SDK1: variants seen among roughly 807,000 people sequenced by gnomAD.
SDK1 encodes sidekick cell adhesion molecule 1, also known as protein sidekick-1.
In SDK1, 157 loss-of-function variants were observed where a neutral mutation model predicts 245.5. That is an observed-to-expected ratio of 0.64 (90% CI 0.56 to 0.73). The LOEUF (loss-of-function observed/expected upper bound fraction) is 0.73. Among genes scored for constraint, SDK1 ranks in the 30% least tolerant of loss-of-function variants. SDK1 has a pLI of 0.00. For synonymous variants in SDK1, 1,647 were observed against 1,278.5 expected (o/e 1.29, Z -6.15); for missense variants, 3,583 against 3,002.3 (o/e 1.19, Z -4.52).
intron 10 of SDK1, among the ~76,000 whole-genome samples, chr7:3,967,996 G>A (rs1183674255): frequency 6.6e-6 from 1 of 152,238 alleles, no homozygotes; most frequent in Non-Finnish European, 1.5e-5. Flanking sequence ...GAAGGATTGT[G>A]CAAATGTCAC....
rs116229067 is a variant in SDK1 at position 3,543,302 on chromosome 7, T to C, written c.299-75778T>C. On this transcript the variant is annotated intron_variant, in intron 1 of 44. Coordinates refer to ENST00000404826, the MANE Select transcript of SDK1 (RefSeq NM_152744.4). ...TCCCATTCTTCTTGGCTTCCTGTTA[T>C]ACTCCTTGCTTAATTTCTGTTTCAT... Among the ~76,000 whole-genome samples, 400 of 152,398 alleles carry C rather than the reference T, an allele frequency of 2.6e-3. 2 individuals are homozygous for C. The highest frequency in any genetic ancestry group is 9.0e-3 in the African/African-American group (373 of 41,602).
chr7:3,923,272 T>C (rs1779656293), intron 5 of SDK1, among the ~76,000 whole-genome samples: 1 of 151,966 alleles, frequency 6.6e-6, no homozygotes, highest in Non-Finnish European at 1.5e-5. Context: ...CCCATTATTA[T>C]GGACTTTTTT....
intron 1 of SDK1, among the ~76,000 whole-genome samples, chr7:3,363,352 G>A (rs962415227): frequency 6.6e-6 from 1 of 151,748 alleles, no homozygotes; most frequent in African/African-American, 2.4e-5. Context: ...ACCACAGATT[G>A]TTTAACCATT....
At chr7:4,049,558 C>T (rs748808420) in intron 18 of SDK1, 95 bp downstream of exon 18, 46 of 911,416 alleles carry the variant, frequency 5.0e-5, no homozygotes, top group Non-Finnish European at 8.1e-5. Context: ...GTATCAAGAG[C>T]TGGTTGCATT....
At chr7:3,422,958 G>C (rs1779573167) in intron 1 of SDK1, among the ~76,000 whole-genome samples, 1 of 152,134 alleles carries the variant, frequency 6.6e-6, no homozygotes, top group African/African-American at 2.4e-5. Context: ...TAATGAGCTG[G>C]CTAATTTATA....
intron 4 of SDK1, among the ~76,000 whole-genome samples, chr7:3,668,846 A>G (rs1583289672): frequency 6.6e-6 from 1 of 152,210 alleles, no homozygotes; most frequent in Admixed American, 6.5e-5. Context: ...TGGGAGTCAC[A>G]AAGTGTCCAT....
intron 44 of SDK1, among the ~76,000 whole-genome samples, chr7:4,260,231 G>T (rs1259159737): frequency 2.1e-5 from 3 of 146,264 alleles, no homozygotes; most frequent in African/African-American, 2.6e-5. Flanking sequence ...TGTGTGGGAA[G>T]ATGTGTTCAT....
At chr7:3,680,186 C>G (rs940966834) in intron 4 of SDK1, among the ~76,000 whole-genome samples, 4 of 152,142 alleles carry the variant, frequency 2.6e-5, no homozygotes, top group African/African-American at 7.2e-5. Context: ...AACCCAATCT[C>G]CAATCTCAAA....
At chr7:4,040,751 C>T (rs75078169) in intron 17 of SDK1, among the ~76,000 whole-genome samples, 252 of 152,294 alleles carry the variant, frequency 1.7e-3, no homozygotes, top group Non-Finnish European at 2.6e-3. Context: ...ACACCCTAAT[C>T]TTTTATTATG....
At chr7:3,778,906 C>T (rs1780642379) in intron 4 of SDK1, among the ~76,000 whole-genome samples, 1 of 152,170 alleles carries the variant, frequency 6.6e-6, no homozygotes, top group Admixed American at 6.5e-5. Flanking sequence ...TATAAAGTAC[C>T]TAAATGGTTT....
chr7:3,413,192 C>G (rs764330511), intron 1 of SDK1, among the ~76,000 whole-genome samples: 57 of 152,114 alleles, frequency 3.7e-4, no homozygotes, highest in Non-Finnish European at 6.9e-4. Flanking sequence ...GCAGGAACAA[C>G]AACTGCGAAG....
At chr7:3,525,743 T>C (rs897486406) in intron 1 of SDK1, among the ~76,000 whole-genome samples, 2 of 152,164 alleles carry the variant, frequency 1.3e-5, no homozygotes, top group Admixed American at 1.3e-4. Flanking sequence ...CCCTATTATT[T>C]CCTGTCTCCA....
intron 4 of SDK1, among the ~76,000 whole-genome samples, chr7:3,744,244 C>G (rs182596578): frequency 6.6e-6 from 1 of 152,194 alleles, no homozygotes; most frequent in Admixed American, 6.5e-5. Context: ...CCCCTCCCCC[C>G]ATCTCTCCAA....
At chr7:4,053,086 CAAA>C (rs923402926) in intron 19 of SDK1, among the ~76,000 whole-genome samples, 9 of 60,120 alleles carry the variant, frequency 1.5e-4, no homozygotes, top group Admixed American at 1.8e-4. Flanking sequence ...GACTCTGTCT[CAAA>C]AAAAAAAAAA....
In SDK1 at chr7:4,237,795, A is replaced by G. The variant is rs575904274; in HGVS notation, c.6130+11A>G. ...AGAACTGCAGCACAGGTGCAGGTCC[A>G]GCCCCTTCCTCGCGTGTCCCACGAT... On this transcript the variant is annotated intron_variant, in intron 42 of 44. Coordinates refer to ENST00000404826, the MANE Select transcript of SDK1 (RefSeq NM_152744.4). 17 of 1,614,026 alleles carry G rather than the reference A, an allele frequency of 1.1e-5. No individual in the cohort carries two copies. Among genetic ancestry groups the G allele is most frequent in the Admixed American group, 1.7e-5 (1 of 59,990 alleles).
chr7:3,439,407 A>T (rs1291078748), intron 1 of SDK1, among the ~76,000 whole-genome samples: 4 of 152,134 alleles, frequency 2.6e-5, no homozygotes, highest in Admixed American at 1.3e-4. Flanking sequence ...TGCGCTCCTT[A>T]CAAGCCTCTA....
chr7:3,419,473 G>A (rs1779476240), intron 1 of SDK1, among the ~76,000 whole-genome samples: 1 of 152,266 alleles, frequency 6.6e-6, no homozygotes, highest in East Asian at 1.9e-4. Flanking sequence ...CATCAGCACA[G>A]AGGCTCTGCT....
At chr7:3,930,801 GAAAAGAAAAGAA>G (rs916000585) in intron 5 of SDK1, among the ~76,000 whole-genome samples, 15 of 148,408 alleles carry the variant, frequency 1.0e-4, no homozygotes, top group African/African-American at 3.3e-4. Context: ...TCACCGAAAA[GAAAAGAAAAGAA>G]AAAAGAAAAG....
chr7:3,495,760 C>G (rs1033282713), intron 1 of SDK1, among the ~76,000 whole-genome samples: 1 of 152,258 alleles, frequency 6.6e-6, no homozygotes, highest in Non-Finnish European at 1.5e-5. Context: ...AGCAAGTGCT[C>G]CTTTGTCCTC....
Sources: gnomAD v4.1 joint callset for allele counts (sites outside exome capture counted in the v4.1 genomes callset) on GRCh38, gnomAD v4.1.1 for gene constraint, MANE v1.5 for transcripts, NCBI Gene and HGNC (gene_info 2026-07-23, HGNC 2026-07-21) for gene names.